Variants in LMNTD1 observed in about 807,000 individuals in gnomAD.
The protein encoded by LMNTD1 is lamin tail domain-containing protein 1.
In LMNTD1, 35 loss-of-function variants were observed where a neutral mutation model predicts 50.9. The ratio of observed to expected loss-of-function variants is 0.69; its 90% CI spans 0.53 to 0.91. The LOEUF is 0.91. Among genes scored for constraint, LMNTD1 ranks in the 40% least tolerant of loss-of-function variants. The pLI is 0.00. For synonymous variants in LMNTD1, 153 were observed against 161.9 expected (o/e 0.94, Z 0.42); for missense variants, 470 against 475.5 (o/e 0.99, Z 0.11).
intron 4 of LMNTD1, among the ~76,000 whole-genome samples, chr12:25,539,027 TC>T (rs1231305501): frequency 4.0e-5 from 6 of 151,436 alleles, no homozygotes; most frequent in African/African-American, 1.2e-4. Flanking sequence ...GAGCTAACTA[TC>T]CTAAATATAT....
intron 1 of LMNTD1, among the ~76,000 whole-genome samples, chr12:25,567,006 T>C (rs1944583569): frequency 6.6e-6 from 1 of 152,202 alleles, no homozygotes; most frequent in African/African-American, 2.4e-5. Flanking sequence ...CAGTTATGTC[T>C]TTTGTAAGTG....
rs918723602 is a variant in LMNTD1, at chr12:25,476,117, G to T, written c.*366C>A. The T allele has an allele frequency of 3.9e-4, 60 of 152,316 alleles. No individual in the cohort carries two copies. The highest frequency in any genetic ancestry group is 1.4e-3 in the African/African-American group (57 of 41,570). The allele number at this position is 152,316 out of a possible 1,614,324, so 9.4% of individuals were successfully genotyped here. ...GAGATTTATCAGTCAATGTAAAATG[G>T]TTAAACAATTGCACGTGCTCTTCTT... On this transcript the variant is annotated 3_prime_UTR_variant, in exon 10 of 10. Coordinates refer to ENST00000458174, the MANE Select transcript of LMNTD1 (RefSeq NM_001145728.2).
At chr12:25,586,666 C>A (rs534338572) in intron 1 of LMNTD1, among the ~76,000 whole-genome samples, 22 of 152,264 alleles carry the variant, frequency 1.4e-4, no homozygotes, top group Non-Finnish European at 2.4e-4. Context: ...AAGCTTGCTG[C>A]ATGGACTGTG....
chr12:25,573,024 T>G (rs1944858741), intron 1 of LMNTD1, among the ~76,000 whole-genome samples: 1 of 151,980 alleles, frequency 6.6e-6, no homozygotes, highest in Admixed American at 6.6e-5. Flanking sequence ...GATTAATCCC[T>G]CTTCTGTTTG....
chr12:25,536,431 T>A (rs1183953141), intron 4 of LMNTD1, among the ~76,000 whole-genome samples: 5 of 152,048 alleles, frequency 3.3e-5, no homozygotes, highest in African/African-American at 7.2e-5. Context: ...ATCTGGAAAA[T>A]CACTGGAACT....
At chr12:25,647,990 C>G (rs1947110432) in intron 1 of LMNTD1, among the ~76,000 whole-genome samples, 1 of 151,940 alleles carries the variant, frequency 6.6e-6, no homozygotes, top group South Asian at 2.1e-4. Flanking sequence ...TGCTATATTA[C>G]TATATTACTA....
At chr12:25,632,402 C>T (rs1450850021) in intron 1 of LMNTD1, among the ~76,000 whole-genome samples, 1 of 152,136 alleles carries the variant, frequency 6.6e-6, no homozygotes, top group Non-Finnish European at 1.5e-5. Context: ...AACAGAAGCA[C>T]CAGGTAACCT....
chr12:25,492,383 ATTAAT>A (rs1490271728), intron 9 of LMNTD1, among the ~76,000 whole-genome samples: 1 of 152,224 alleles, frequency 6.6e-6, no homozygotes, highest in Non-Finnish European at 1.5e-5. Context: ...TGTGTAATTT[ATTAAT>A]TAGGGATCAT....
At chr12:25,480,611 A>G (rs866378196) in intron 9 of LMNTD1, among the ~76,000 whole-genome samples, 39 of 152,300 alleles carry the variant, frequency 2.6e-4, no homozygotes, top group Admixed American at 1.3e-4. Context: ...GATGGTTAAA[A>G]ACCTAGACCC....
At position 25,481,865 on chromosome 12, in the gene LMNTD1, TCACACACACACACACACACA is replaced by T. The variant is rs138084240; in HGVS notation, c.*23-5425_*23-5406del. Among the ~76,000 whole-genome samples the T allele has an allele frequency of 3.0e-5, 4 of 132,704 alleles. No homozygotes were observed. The South Asian group carries it at 7.9e-4, about 26-fold the overall frequency. 87.1% of individuals were successfully genotyped at this position (132,704 alleles called of 152,430 possible). On this transcript the variant is annotated intron_variant, in intron 9 of 9. Transcript: ENST00000458174. ...CAACATATAGTAATATATTGCCTCT[TCACACACACACACACACACA>T]CACACACACACACACACACACATAT...
At chr12:25,512,852 ATT>A (rs61223932) in intron 8 of LMNTD1, among the ~76,000 whole-genome samples, 2 of 137,908 alleles carry the variant, frequency 1.5e-5, no homozygotes, top group Non-Finnish European at 3.1e-5. Context: ...TCTACTCACA[ATT>A]TTTTTTTTAT....
intron 4 of LMNTD1, among the ~76,000 whole-genome samples, chr12:25,536,895 C>T (rs113510908): frequency 0.016 from 2,381 of 152,278 alleles, 16 homozygotes; most frequent in African/African-American, 0.032. Flanking sequence ...CGAAGCAGGG[C>T]GAGGCATTGC....
chr12:25,613,926 G>C (rs1271067808), intron 1 of LMNTD1, among the ~76,000 whole-genome samples: 1 of 151,962 alleles, frequency 6.6e-6, no homozygotes, highest in Non-Finnish European at 1.5e-5. Flanking sequence ...CAGCTGAGGG[G>C]CAACTAAGGG....
intron 1 of LMNTD1, among the ~76,000 whole-genome samples, chr12:25,579,025 G>C (rs959151920): frequency 3.9e-5 from 6 of 152,034 alleles, no homozygotes; most frequent in African/African-American, 7.2e-5. Flanking sequence ...ATAGCATTAC[G>C]CTCAGAAAAA....
chr12:25,603,638 TA>T (rs1386037496), intron 1 of LMNTD1, among the ~76,000 whole-genome samples: 2 of 152,002 alleles, frequency 1.3e-5, no homozygotes, highest in Non-Finnish European at 2.9e-5. Flanking sequence ...TACTAGGTCT[TA>T]TAGGGGATTA....
At chr12:25,646,695 T>A (rs899897197) in intron 1 of LMNTD1, among the ~76,000 whole-genome samples, 4 of 152,200 alleles carry the variant, frequency 2.6e-5, no homozygotes, top group African/African-American at 9.7e-5. Flanking sequence ...CACCACCGAC[T>A]GAACAGGTGG....
chr12:25,631,741 C>G (rs562284629), intron 1 of LMNTD1, among the ~76,000 whole-genome samples: 17 of 152,214 alleles, frequency 1.1e-4, no homozygotes, highest in African/African-American at 4.1e-4. Flanking sequence ...AAACAAGGCC[C>G]TTTGACACCC....
intron 1 of LMNTD1, among the ~76,000 whole-genome samples, chr12:25,608,006 A>G (rs1255046222): frequency 1.3e-5 from 2 of 152,088 alleles, no homozygotes; most frequent in Non-Finnish European, 2.9e-5. Flanking sequence ...TGCTTTATGA[A>G]TCTGGGTGCT....
intron 1 of LMNTD1, among the ~76,000 whole-genome samples, chr12:25,637,744 T>C (rs1946865795): frequency 6.6e-6 from 1 of 151,968 alleles, no homozygotes. Flanking sequence ...AAAAAGACAA[T>C]GCAATTTAAA....
Sources: gnomAD v4.1 joint callset for allele counts (sites outside exome capture counted in the v4.1 genomes callset) on GRCh38, gnomAD v4.1.1 for gene constraint, MANE v1.5 for transcripts, NCBI Gene and HGNC (gene_info 2026-07-23, HGNC 2026-07-21) for gene names.